Variants in TIAM1 observed in about 807,000 individuals in gnomAD.
TIAM1 encodes rho guanine nucleotide exchange factor TIAM1.
Under a neutral mutation model 163.5 loss-of-function variants are expected in TIAM1, and 65 were observed. The ratio of observed to expected loss-of-function variants is 0.40; its 90% CI spans 0.33 to 0.49. The LOEUF (loss-of-function observed/expected upper bound fraction) is 0.49. Among genes scored for constraint, TIAM1 ranks in the 20% least tolerant of loss-of-function variants. The pLI is 0.77. For synonymous variants in TIAM1, 833 were observed against 810.1 expected, an observed-to-expected ratio of 1.03 and a Z score of -0.48; for missense variants, 1,789 against 2,044.7, an observed-to-expected ratio of 0.87 and a Z score of 2.41.
chr21:31,429,882 C>T (rs2147275915), intron 2 of TIAM1, among the ~76,000 whole-genome samples: 1 of 152,248 alleles, frequency 6.6e-6, no homozygotes, highest in East Asian at 1.9e-4. Flanking sequence ...GCAGAGACAA[C>T]AGTCTTCCAC....
intron 15 of TIAM1, among the ~76,000 whole-genome samples, chr21:31,172,778 G>A (rs1382207668): frequency 6.6e-6 from 1 of 151,996 alleles, no homozygotes; most frequent in African/African-American, 2.4e-5. Flanking sequence ...TAGAGCAGGA[G>A]ATCACTTGAG....
chr21:31,225,355 C>G (rs750616946), intron 7 of TIAM1, among the ~76,000 whole-genome samples: 1 of 152,114 alleles, frequency 6.6e-6, no homozygotes, highest in Non-Finnish European at 1.5e-5. Context: ...TCAAAATTTA[C>G]TGAGGAGTCA....
chr21:31,253,591 G>GA (rs1214849599), intron 4 of TIAM1, among the ~76,000 whole-genome samples: 11 of 152,146 alleles, frequency 7.2e-5, no homozygotes, highest in African/African-American at 2.7e-4. Context: ...GCAAGACATG[G>GA]AAAAAAGAGG....
intron 27 of TIAM1, 53 bp downstream of exon 27, chr21:31,124,469 C>T: frequency 1.9e-6 from 3 of 1,605,702 alleles, no homozygotes; most frequent in Non-Finnish European, 2.5e-6. Flanking sequence ...CACTGGAGTT[C>T]TACTGCGGAG....
chr21:31,299,929 C>T (rs776600922), intron 2 of TIAM1, among the ~76,000 whole-genome samples: 1 of 152,196 alleles, frequency 6.6e-6, no homozygotes, highest in African/African-American at 2.4e-5. Flanking sequence ...TCTTTCCTTA[C>T]GTCTGCATGT....
intron 16 of TIAM1, among the ~76,000 whole-genome samples, chr21:31,164,267 G>A (rs1219446700): frequency 2.6e-5 from 4 of 152,090 alleles, no homozygotes; most frequent in Non-Finnish European, 5.9e-5. Context: ...GCGGGTGCCT[G>A]TAGTCCTAGC....
intron 2 of TIAM1, among the ~76,000 whole-genome samples, chr21:31,451,734 T>C (rs1466097373): frequency 4.7e-5 from 7 of 149,366 alleles, no homozygotes; most frequent in East Asian, 2.0e-4. Context: ...TGTGTGTGTG[T>C]GTGTGTGTGT....
At chr21:31,379,003 G>A (rs867434539) in intron 2 of TIAM1, among the ~76,000 whole-genome samples, 7 of 152,014 alleles carry the variant, frequency 4.6e-5, no homozygotes, top group African/African-American at 9.7e-5. Context: ...ATGGAGTCTC[G>A]CTCTGTCGCC....
intron 1 of TIAM1, among the ~76,000 whole-genome samples, chr21:31,493,837 C>T (rs1359295337): frequency 6.6e-6 from 1 of 152,088 alleles, no homozygotes. Context: ...CAGCTGGCAG[C>T]ACAGTGGGTA....
At position 31,251,894 on chromosome 21, in the gene TIAM1, G is replaced by C. The variant is rs1365852309; in HGVS notation, c.1259C>G (p.Pro420Arg). ...DEQSSGTLSS[P>R]GQSDILLTAA... ...GGTCAGCAGGATGTCCGACTGGCCC[G>C]GAGAGCTCAGGGTGCCGCTGCTCTG... Residue 420 changes from proline to arginine, a missense_variant, in exon 5 of 28, where the codon CCG becomes CGG. This residue lies in a region of TIAM1 where 555 missense variants were observed against 564.9 expected (regional missense o/e 0.98). Transcript: ENST00000541036. 6 of 1,613,802 alleles carry C rather than the reference G, an allele frequency of 3.7e-6. No homozygotes were observed. In the Admixed American group the frequency reaches 5.0e-5, roughly 13 times the overall value.
At chr21:31,227,139 T>C (rs2088034786) in intron 6 of TIAM1, among the ~76,000 whole-genome samples, 1 of 151,926 alleles carries the variant, frequency 6.6e-6, no homozygotes. Context: ...ATATTTTTAG[T>C]AGAGACAGGG....
At chr21:31,202,698 C>A (rs1466715373) in intron 12 of TIAM1, among the ~76,000 whole-genome samples, 1 of 152,212 alleles carries the variant, frequency 6.6e-6, no homozygotes, top group African/African-American at 2.4e-5. Context: ...GTCATGATAG[C>A]ACTGCACTGC....
At chr21:31,416,111 C>T (rs565634525) in intron 2 of TIAM1, among the ~76,000 whole-genome samples, 12 of 151,914 alleles carry the variant, frequency 7.9e-5, no homozygotes, top group African/African-American at 1.5e-4. Context: ...CATAACGTGA[C>T]GCCAGTGGGG....
intron 23 of TIAM1, among the ~76,000 whole-genome samples, chr21:31,132,580 G>T (rs993329570): frequency 6.6e-6 from 1 of 152,116 alleles, no homozygotes; most frequent in East Asian, 1.9e-4. Flanking sequence ...TCTCAGAAGC[G>T]CCACCATGCC....
rs1303480578 is a variant in TIAM1 at position 31,405,155 on chromosome 21, G to A, written c.-369+58828C>T. Among the ~76,000 whole-genome samples the A allele has an allele frequency of 2.6e-5, 4 of 152,260 alleles. No individual in the cohort carries two copies. The East Asian group carries it at 7.7e-4, about 29-fold the overall frequency. ...CCAAGTACTCGGAAGGCTAAAGGCA[G>A]GAGGATCACTTGATCCTAGGAGGTC... On this transcript the variant is annotated intron_variant, in intron 2 of 28. Coordinates refer to the TIAM1 transcript ENST00000286827.
chr21:31,524,405 G>GC (rs544549471), intron 1 of TIAM1, among the ~76,000 whole-genome samples: 2 of 151,980 alleles, frequency 1.3e-5, no homozygotes, highest in African/African-American at 4.8e-5. Flanking sequence ...AGAGGGATCC[G>GC]CCCCCACAAC....
chr21:31,327,643 C>CAA (rs373702154), intron 2 of TIAM1, among the ~76,000 whole-genome samples: 1,722 of 69,106 alleles, frequency 0.025, 107 homozygotes, highest in African/African-American at 0.091. Context: ...GCCGCCATCT[C>CAA]AAAAAAAAAA....
chr21:31,259,338 T>C (rs1396608283), intron 4 of TIAM1, among the ~76,000 whole-genome samples: 4 of 152,042 alleles, frequency 2.6e-5, no homozygotes, highest in African/African-American at 9.7e-5. Context: ...GGTCTCACTA[T>C]GTTGGCCGGG....
chr21:31,395,635 G>A lies in TIAM1; in HGVS notation c.-368-56213C>T, dbSNP rs1342095172. Among the ~76,000 whole-genome samples, 1 of 152,160 alleles carries A rather than the reference G, an allele frequency of 6.6e-6. No homozygotes were observed. Among genetic ancestry groups the A allele is most frequent in the African/African-American group, 2.4e-5 (1 of 41,452 alleles). On this transcript the variant is annotated intron_variant, in intron 2 of 28. Transcript: ENST00000286827. The surrounding 1 kb of genome is among the most constrained non-coding windows in gnomAD (Gnocchi z 7.5). ...CCACATAAATGAACTTACACAGAGG[G>A]CATGGGGGTAGTAAAAGGTGCTGGA...
Sources: gnomAD v4.1 joint callset for allele counts (sites outside exome capture counted in the v4.1 genomes callset) on GRCh38, gnomAD v4.1.1 for gene constraint, gnomAD v4.1.1 regional missense constraint, Gnocchi (gnomAD v3.1) non-coding constraint, MANE v1.5 for transcripts, NCBI Gene and HGNC (gene_info 2026-07-23, HGNC 2026-07-21) for gene names.